Variants in DNM2 observed in about 807,000 individuals in gnomAD.
DNM2 encodes dynamin-2.
DNM2 carries 15 observed loss-of-function variants against 99.0 expected under a neutral mutation model. That is an observed-to-expected ratio of 0.15 (90% CI 0.10 to 0.23). The LOEUF is 0.23. DNM2 is among the 10% of genes least tolerant of loss of function. The probability of loss-of-function intolerance (pLI) is 1.00; values close to 1 mark genes in which losing one functional copy is unlikely to be tolerated. For synonymous variants in DNM2, 525 were observed against 481.2 expected, an observed-to-expected ratio of 1.09 and a Z score of -1.19; for missense variants, 742 against 1,189.4, an observed-to-expected ratio of 0.62 and a Z score of 5.53.
intron 12 of DNM2, chr19:10,803,713 G>T: frequency 1.0e-6 from 1 of 986,162 alleles, no homozygotes. Flanking sequence ...GTGTGAACGG[G>T]GTACGCCCTG....
In DNM2 at chr19:10,718,333, C is replaced by T; in HGVS notation, c.91C>T (p.Leu31=). The T allele has an allele frequency of 6.6e-7, 1 of 1,520,704 alleles. No individual in the cohort carries two copies. The highest frequency in any genetic ancestry group is 1.4e-5 in the African/African-American group (1 of 70,036). The allele number at this position is 1,520,704 out of a possible 1,614,324, so 94.2% of individuals were successfully genotyped here. ...SSIGQSCHLD[L]PQIAVVGGQS... Reference sequence around the variant, plus strand: ...CATCGGCCAGAGCTGCCACCTGGACCTGCCGCAGATCGCTGTAGTGGGCGG... The same window carrying T: ...CATCGGCCAGAGCTGCCACCTGGACTTGCCGCAGATCGCTGTAGTGGGCGG... Residue 31 remains leucine, a synonymous_variant, in exon 1 of 21, where the codon CTG becomes TTG. Transcript: ENST00000389253.
rs1555717200 is a variant in DNM2 at position 10,830,191 on chromosome 19, G to T, written c.2356G>T (p.Gly786Cys). The T allele has an allele frequency of 4.3e-6, 7 of 1,613,672 alleles. No homozygotes were observed. The highest frequency in any genetic ancestry group is 5.9e-6 in the Non-Finnish European group (7 of 1,179,744). Reference sequence around the variant, plus strand: ...CCCTGGCCGGCCCCCAGCAGTGAGGGGCCCCACTCCAGGGCCCCCCCTGAT... The same window carrying T: ...CCCTGGCCGGCCCCCAGCAGTGAGGTGCCCCACTCCAGGGCCCCCCCTGAT... ...HPPGRPPAVR[G>C]PTPGPPLIPV... is the part of the protein sequence containing the mutation. The change falls in exon 20 of 21, where the codon GGC (glycine) becomes TGC (cysteine). Residue 786 changes from glycine (G) to cysteine (C), a missense_variant. Gly to Cys is a radical substitution (Grantham distance 159, BLOSUM62 -3). Coordinates refer to ENST00000389253, the MANE Select transcript of DNM2 (RefSeq NM_001005361.3). This position sits in a 1 kb window ranked among gnomAD's most constrained non-coding sequence, Gnocchi z 4.8.
At chr19:10,809,654 T>A (rs2072472010) in intron 14 of DNM2, 1 of 152,352 alleles carries the variant, frequency 6.6e-6, no homozygotes, top group South Asian at 2.1e-4. Context: ...TCAGCCCGGC[T>A]CTTACACTTG....
In DNM2 at chr19:10,801,605, C is replaced by CAA. The variant is rs34520425; in HGVS notation, c.1423-664_1423-663dup. On this transcript the variant is annotated intron_variant, in intron 11 of 20. Coordinates refer to ENST00000389253, the MANE Select transcript of DNM2 (RefSeq NM_001005361.3). ...CCTGGGAGACAGTAAGTTCTTTTCT[C>CAA]AAAAAAAAAAAAAAAAAAAAGCCAG... 8.5e-4 allele frequency among the ~76,000 whole-genome samples: 48 copies of CAA among 56,562 alleles called. 1 individual carries two copies. Among genetic ancestry groups the CAA allele is most frequent in the East Asian group, 2.2e-3 (6 of 2,690 alleles). The allele number at this position is 56,562 out of a possible 152,430, so 37.1% of individuals were successfully genotyped here. A position where few individuals can be genotyped will look rare whatever the true frequency, so the allele number is the denominator to read the frequency against.
chr19:10,762,297 C>T (rs888302315), intron 2 of DNM2, among the ~76,000 whole-genome samples: 3 of 152,178 alleles, frequency 2.0e-5, no homozygotes, highest in Non-Finnish European at 4.4e-5. Context: ...CTCTGCCTCC[C>T]AAAGTGCTGG....
intron 10 of DNM2, 22 bp from the exon 11 acceptor site, chr19:10,798,464 A>C: frequency 6.2e-7 from 1 of 1,613,218 alleles, no homozygotes; most frequent in Non-Finnish European, 8.5e-7. Context: ...CGCCAATGCG[A>C]CCACTCTGCT....
chr19:10,797,307 T>C lies in DNM2; in HGVS notation c.1197-73T>C, dbSNP rs529299911. The C allele has an allele frequency of 1.3e-5, 21 of 1,593,526 alleles. No homozygotes were observed. The South Asian group carries it at 2.1e-4, about 16-fold the overall frequency. On this transcript the variant is annotated intron_variant, in intron 9 of 20. Coordinates refer to ENST00000389253, the MANE Select transcript of DNM2 (RefSeq NM_001005361.3). ...TCTCGTTTCTTCTCTTCTCTCTGTC[T>C]CCTGTCCTGCGTGTGTGGCCTGCAC...
intron 1 of DNM2, among the ~76,000 whole-genome samples, chr19:10,729,421 G>A (rs1568265686): frequency 6.6e-6 from 1 of 152,128 alleles, no homozygotes; most frequent in Non-Finnish European, 1.5e-5. Context: ...ACTGCATTGG[G>A]TGGGGGAATG....
At chr19:10,829,402 C>G in intron 19 of DNM2, 134 bp downstream of exon 19, 2 of 1,143,084 alleles carry the variant, frequency 1.7e-6, no homozygotes, top group Non-Finnish European at 2.5e-6. Context: ...ACTGTGGGAG[C>G]TGCTGCCCTG....
At chr19:10,766,609 C>T (rs554211531) in intron 2 of DNM2, among the ~76,000 whole-genome samples, 2 of 151,812 alleles carry the variant, frequency 1.3e-5, no homozygotes, top group African/African-American at 2.4e-5. Flanking sequence ...CTGCTGTATA[C>T]GAGATGCTAG....
At chr19:10,741,749 C>T (rs974401820) in intron 1 of DNM2, among the ~76,000 whole-genome samples, 13 of 151,686 alleles carry the variant, frequency 8.6e-5, no homozygotes, top group Non-Finnish European at 1.5e-4. Flanking sequence ...GACGGGGTTT[C>T]ACCGTGTTAG....
intron 3 of DNM2, among the ~76,000 whole-genome samples, chr19:10,774,485 G>T (rs909801252): frequency 2.0e-5 from 3 of 152,022 alleles, no homozygotes; most frequent in Admixed American, 2.0e-4. Context: ...GGAGTGCAAT[G>T]GTGCAATCTT....
chr19:10,735,480 C>T (rs1245194479), intron 1 of DNM2, among the ~76,000 whole-genome samples: 1 of 152,102 alleles, frequency 6.6e-6, no homozygotes, highest in Non-Finnish European at 1.5e-5. Flanking sequence ...TAGTTTTCTT[C>T]TTTTCATACT....
intron 4 of DNM2, among the ~76,000 whole-genome samples, chr19:10,776,506 A>T (rs1173863813): frequency 6.6e-6 from 1 of 152,136 alleles, no homozygotes; most frequent in African/African-American, 2.4e-5. Flanking sequence ...TCTGGCTTCC[A>T]TCTGTCCCCA....
chr19:10,752,501 A>G (rs948262314), intron 1 of DNM2, among the ~76,000 whole-genome samples: 18 of 152,248 alleles, frequency 1.2e-4, no homozygotes, highest in African/African-American at 4.3e-4. Context: ...GTGGAGTCAC[A>G]GGACAGCACA....
At chr19:10,769,553 C>G (rs576537352) in intron 2 of DNM2, 3 of 152,354 alleles carry the variant, frequency 2.0e-5, no homozygotes, top group South Asian at 4.1e-4. Flanking sequence ...TCCCCCTGCA[C>G]TCTTTGAAGG....
chr19:10,805,796 T>G, intron 12 of DNM2, 120 bp from the exon 13 acceptor site: 1 of 1,278,690 alleles, frequency 7.8e-7, no homozygotes. Flanking sequence ...GGGGCTTCTC[T>G]CTGCCTCTAC....
Position 10,761,349 on chromosome 19 carries a change from C to G in DNM2, c.235+1538C>G, listed in dbSNP as rs556561190. On this transcript the variant is annotated intron_variant, in intron 2 of 20. Coordinates refer to ENST00000389253, the MANE Select transcript of DNM2 (RefSeq NM_001005361.3). ...ACCCAGCCTGTTGAATATAGTATGG[C>G]CTATGTGTGGATTTTTTCCTGTTCT... 2.8e-4 allele frequency among the ~76,000 whole-genome samples: 43 copies of G among 152,154 alleles called. No individual in the cohort carries two copies. The East Asian group carries it at 8.1e-3, about 29-fold the overall frequency.
chr19:10,822,273 T>TCGAGG (rs1353395719), intron 16 of DNM2, among the ~76,000 whole-genome samples: 1 of 148,938 alleles, frequency 6.7e-6, no homozygotes, highest in Non-Finnish European at 1.5e-5. Context: ...CATTGTAGCC[T>TCGAGG]CCACCTCCCA....
Sources: gnomAD v4.1 joint callset for allele counts (sites outside exome capture counted in the v4.1 genomes callset) on GRCh38, gnomAD v4.1.1 for gene constraint, Gnocchi (gnomAD v3.1) non-coding constraint, MANE v1.5 for transcripts, NCBI Gene and HGNC (gene_info 2026-07-23, HGNC 2026-07-21) for gene names.